CYRIA: variants seen among roughly 807,000 people sequenced by gnomAD.
CYRIA encodes CYFIP-related Rac1 interactor A.
CYRIA carries 15 observed loss-of-function variants against 43.9 expected under a neutral mutation model. That is an observed-to-expected ratio of 0.34 (90% CI 0.23 to 0.53). The LOEUF (loss-of-function observed/expected upper bound fraction) is 0.53. Among genes scored for constraint, CYRIA ranks in the 20% least tolerant of loss-of-function variants. CYRIA has a pLI of 0.94. For synonymous variants in CYRIA, 117 were observed against 136.0 expected, an observed-to-expected ratio of 0.86 and a Z score of 0.97; for missense variants, 236 against 394.2, an observed-to-expected ratio of 0.60 and a Z score of 3.40.
chr2:16,575,017 T>C (rs928541022), intron 3 of CYRIA, among the ~76,000 whole-genome samples: 1 of 152,058 alleles, frequency 6.6e-6, no homozygotes, highest in Non-Finnish European at 1.5e-5. Context: ...CCTGTGAAAG[T>C]AGCCAGGAAG....
chr2:16,608,919 A>G (rs965305265), intron 2 of CYRIA, among the ~76,000 whole-genome samples: 1 of 152,186 alleles, frequency 6.6e-6, no homozygotes, highest in Admixed American at 6.5e-5. Flanking sequence ...GATCATTCAC[A>G]TGGCTATTAA....
At chr2:16,558,281 G>A (rs904857429) in intron 10 of CYRIA, among the ~76,000 whole-genome samples, 3 of 152,128 alleles carry the variant, frequency 2.0e-5, no homozygotes, top group Non-Finnish European at 4.4e-5. Flanking sequence ...AAGAGTCTAT[G>A]AAGAAACATG....
At chr2:16,606,789 G>A (rs917014087) in intron 2 of CYRIA, among the ~76,000 whole-genome samples, 17 of 152,198 alleles carry the variant, frequency 1.1e-4, no homozygotes, top group Admixed American at 7.2e-4. Context: ...GGGATGACTC[G>A]ACATCTAAGA....
intron 1 of CYRIA, among the ~76,000 whole-genome samples, chr2:16,661,340 A>T (rs1670249225): frequency 6.6e-6 from 1 of 152,136 alleles, no homozygotes; most frequent in Admixed American, 6.5e-5. Flanking sequence ...ATCCATCCAT[A>T]TGTTCTGACC....
chr2:16,574,830 C>T (rs945405714), intron 3 of CYRIA, among the ~76,000 whole-genome samples: 2 of 152,206 alleles, frequency 1.3e-5, no homozygotes, highest in Non-Finnish European at 2.9e-5. Flanking sequence ...CATGGAGAAC[C>T]TCTGCTAGGG....
chr2:16,636,855 A>T (rs1207483150), intron 1 of CYRIA, among the ~76,000 whole-genome samples: 1 of 152,080 alleles, frequency 6.6e-6, no homozygotes, highest in Non-Finnish European at 1.5e-5. Flanking sequence ...ATGCGCCTGT[A>T]GTTCCAGCTA....
chr2:16,658,700 T>C (rs1255651650), intron 1 of CYRIA, among the ~76,000 whole-genome samples: 1 of 152,204 alleles, frequency 6.6e-6, no homozygotes. Context: ...TTCCTTTCCT[T>C]TTTTTCTTTT....
intron 3 of CYRIA, among the ~76,000 whole-genome samples, chr2:16,587,629 T>C (rs1010884670): frequency 2.0e-5 from 3 of 152,150 alleles, no homozygotes; most frequent in Admixed American, 1.3e-4. Flanking sequence ...TCTTGAATTG[T>C]AGCTTCCATA....
At chr2:16,651,844 CA>C (rs1480333282) in intron 1 of CYRIA, among the ~76,000 whole-genome samples, 1 of 151,922 alleles carries the variant, frequency 6.6e-6, no homozygotes, top group East Asian at 1.9e-4. Context: ...CAGGAAATTC[CA>C]GTCATCTTAT....
chr2:16,580,853 A>G (rs1667526637), intron 3 of CYRIA, among the ~76,000 whole-genome samples: 1 of 152,214 alleles, frequency 6.6e-6, no homozygotes, highest in Admixed American at 6.5e-5. Flanking sequence ...GCAAATTTAC[A>G]AAATGGACAT....
chr2:16,655,585 G>A (rs186490813), intron 1 of CYRIA, among the ~76,000 whole-genome samples: 12 of 152,198 alleles, frequency 7.9e-5, no homozygotes, highest in African/African-American at 2.9e-4. Flanking sequence ...GCCCTGCTTG[G>A]GCTTGACCCT....
chr2:16,646,823 A>G (rs1248416898), intron 1 of CYRIA, among the ~76,000 whole-genome samples: 2 of 151,864 alleles, frequency 1.3e-5, no homozygotes, highest in East Asian at 3.9e-4. Flanking sequence ...GGTGAATTAA[A>G]GGGGGGGGAT....
chr2:16,550,653 C>T lies in CYRIA; in HGVS notation c.*2283G>A, dbSNP rs1240494756. ...AATGTGCTCATCTATTTACTCTGAG[C>T]TCAATCTAATTTGACAGGTAATTCC... On this transcript the variant is annotated 3_prime_UTR_variant, in exon 12 of 12. Coordinates refer to ENST00000381323, the MANE Select transcript of CYRIA (RefSeq NM_030797.4). The T allele has an allele frequency of 1.3e-5, 2 of 152,122 alleles. No homozygotes were observed. Among genetic ancestry groups the T allele is most frequent in the Non-Finnish European group, 2.9e-5 (2 of 68,018 alleles). 9.4% of individuals were successfully genotyped at this position (152,122 alleles called of 1,614,324 possible).
chr2:16,661,253 T>C (rs1219256330), intron 1 of CYRIA, among the ~76,000 whole-genome samples: 1 of 152,036 alleles, frequency 6.6e-6, no homozygotes, highest in Non-Finnish European at 1.5e-5. Flanking sequence ...GTAGCCTGGG[T>C]GACAGAGCAA....
At chr2:16,578,011 A>G (rs1667411683) in intron 3 of CYRIA, among the ~76,000 whole-genome samples, 1 of 152,298 alleles carries the variant, frequency 6.6e-6, no homozygotes, top group East Asian at 1.9e-4. Context: ...GTAAGTAAAG[A>G]ACAACTGTCT....
intron 11 of CYRIA, 142 bp downstream of exon 11, chr2:16,554,927 G>A (rs189871270): frequency 3.0e-5 from 17 of 560,158 alleles, no homozygotes; most frequent in Non-Finnish European, 5.3e-5. Flanking sequence ...AAATGGTGCT[G>A]ACCTCAAAAG....
intron 1 of CYRIA, among the ~76,000 whole-genome samples, chr2:16,658,809 G>A (rs1361971280): frequency 6.6e-6 from 1 of 152,026 alleles, no homozygotes; most frequent in Non-Finnish European, 1.5e-5. Flanking sequence ...GAATAGAGGA[G>A]AAAGAGCAGG....
intron 3 of CYRIA, among the ~76,000 whole-genome samples, chr2:16,576,485 T>C (rs999528763): frequency 1.3e-5 from 2 of 152,196 alleles, no homozygotes; most frequent in African/African-American, 4.8e-5. Flanking sequence ...GAAGCTATTA[T>C]TTCACCCTGT....
chr2:16,637,275 T>C (rs796073202), intron 1 of CYRIA, among the ~76,000 whole-genome samples: 2 of 152,330 alleles, frequency 1.3e-5, no homozygotes, highest in African/African-American at 4.8e-5. Context: ...TGTATCCCCC[T>C]AAATTCATAG....
Sources: allele counts gnomAD v4.1 joint callset (sites outside exome capture counted in the v4.1 genomes callset), GRCh38; gene constraint gnomAD v4.1.1; transcripts MANE v1.5; gene names NCBI Gene and HGNC (gene_info 2026-07-23, HGNC 2026-07-21).